TRPC3: variants seen among roughly 807,000 people sequenced by gnomAD.
TRPC3 encodes the protein transient receptor potential cation channel subfamily C member 3, also known as short transient receptor potential channel 3.
In TRPC3, 54 loss-of-function variants were observed where a neutral mutation model predicts 90.9. The observed-to-expected ratio is 0.59, with a 90% CI of 0.48 to 0.75. The LOEUF is 0.75. TRPC3 is among the 30% of genes least tolerant of loss of function. The pLI is 0.00. For synonymous variants in TRPC3, 424 were observed against 450.9 expected, an observed-to-expected ratio of 0.94 and a Z score of 0.75; for missense variants, 918 against 1,194.5, an observed-to-expected ratio of 0.77 and a Z score of 3.41.
At chr4:121,900,053 TC>T (rs1319896861) in intron 9 of TRPC3, among the ~76,000 whole-genome samples, 1 of 152,206 alleles carries the variant, frequency 6.6e-6, no homozygotes, top group Non-Finnish European at 1.5e-5. Context: ...TTTGATCTGT[TC>T]CTGAGCCTAA....
At chr4:121,910,604 A>T (rs1461597914) in intron 5 of TRPC3, among the ~76,000 whole-genome samples, 1 of 152,138 alleles carries the variant, frequency 6.6e-6, no homozygotes, top group Admixed American at 6.5e-5. Flanking sequence ...CCACCACACT[A>T]GAATTTGGAG....
At position 121,904,260 on chromosome 4, in the gene TRPC3, C is replaced by T. The variant is rs1291714582; in HGVS notation, c.2253+62G>A. The T allele has an allele frequency of 5.5e-6, 8 of 1,448,596 alleles. No homozygotes were observed. In the Admixed American group the frequency reaches 7.0e-5, roughly 13 times the overall value. 89.7% of individuals were successfully genotyped at this position (1,448,596 alleles called of 1,614,324 possible). ...GGAGCTCAGCCACAGGGTACAGAAG[C>T]AGATGTGTACTATCAGAATAGGATG... On this transcript the variant is annotated intron_variant, in intron 8 of 11. Transcript: ENST00000379645.
rs774191611 is a variant in TRPC3 at position 121,907,429 on chromosome 4, C to A, written c.1931G>T (p.Gly644Val). The change falls in exon 7 of 12, where the codon GGA (glycine) becomes GTA (valine). Residue 644 changes from glycine (G) to valine (V), a missense_variant. Transcript: ENST00000379645. ...CTTGAATATGTCCTTTACAGTCCTTCCAAGAGAGATCTGCAGGGGGCCAAA... is the reference window on the plus strand; with the variant it reads ...CTTGAATATGTCCTTTACAGTCCTTACAAGAGAGATCTGCAGGGGGCCAAA... ...ESFGPLQISL[G>V]RTVKDIFKFM... 6.2e-7 allele frequency: 1 copy of A among 1,613,272 alleles called. No homozygotes were observed. The highest frequency in any genetic ancestry group is 8.5e-7 in the Non-Finnish European group (1 of 1,179,566).
chr4:121,897,186 T>C (rs984038909), intron 10 of TRPC3, among the ~76,000 whole-genome samples: 1 of 151,198 alleles, frequency 6.6e-6, no homozygotes, highest in African/African-American at 2.4e-5. Flanking sequence ...ATGATAAAAC[T>C]AGTAGAAAAA....
At chr4:121,915,500 G>A (rs1303867325) in intron 3 of TRPC3, among the ~76,000 whole-genome samples, 1 of 152,210 alleles carries the variant, frequency 6.6e-6, no homozygotes, top group Non-Finnish European at 1.5e-5. Flanking sequence ...GAACTTGCAA[G>A]TATTATGCTG....
At chr4:121,938,282 T>A (rs1011443332) in intron 1 of TRPC3, among the ~76,000 whole-genome samples, 6 of 152,174 alleles carry the variant, frequency 3.9e-5, no homozygotes, top group Non-Finnish European at 8.8e-5. Flanking sequence ...CCAACTCACC[T>A]TCTTCCTTAA....
chr4:121,941,612 AAAG>A (rs1253483895), intron 1 of TRPC3, among the ~76,000 whole-genome samples: 2 of 150,854 alleles, frequency 1.3e-5, no homozygotes, highest in Non-Finnish European at 3.0e-5. Context: ...TCAGAGAAGA[AAAG>A]ACAAGAAAGT....
At chr4:121,933,540 C>A (rs181954069) in intron 1 of TRPC3, 2 of 152,540 alleles carry the variant, frequency 1.3e-5, no homozygotes, top group East Asian at 1.9e-4. Context: ...CAGCCCCCTA[C>A]AAAAGCACAG....
rs947275366 is a variant in TRPC3, at chr4:121,899,678, C to T, written c.2481G>A (p.Gln827=). 6.2e-7 allele frequency: 1 copy of T among 1,613,176 alleles called. No individual in the cohort carries two copies. Among genetic ancestry groups the T allele is most frequent in the Non-Finnish European group, 8.5e-7 (1 of 1,179,478 alleles). ...GTGATTCAAAAACTCTTGAGTTAGACTGAGTGAAGAGGTTTAACTAGGAAA... is the reference window on the plus strand; with the variant it reads ...GTGATTCAAAAACTCTTGAGTTAGATTGAGTGAAGAGGTTTAACTAGGAAA... ...NSKSRLNLFT[Q]SNSRVFESHS... is the part of the protein sequence containing the mutation. Residue 827 remains glutamine, a synonymous_variant, in exon 10 of 12, where the codon CAG becomes CAA. Transcript: ENST00000379645.
intron 3 of TRPC3, among the ~76,000 whole-genome samples, chr4:121,922,639 T>G (rs1348604848): frequency 7.4e-6 from 1 of 135,614 alleles, no homozygotes; most frequent in African/African-American, 2.7e-5. Flanking sequence ...GAGGTGTCTC[T>G]GCTCATATAA....
At chr4:121,888,021 G>A (rs1034726592) in intron 10 of TRPC3, among the ~76,000 whole-genome samples, 17 of 150,860 alleles carry the variant, frequency 1.1e-4, no homozygotes, top group African/African-American at 3.7e-4. Flanking sequence ...GAGAGAAAGC[G>A]TCTTGCTGTG....
intron 5 of TRPC3, 23 bp downstream of exon 5, chr4:121,911,854 G>A: frequency 6.4e-7 from 1 of 1,574,492 alleles, no homozygotes; most frequent in Non-Finnish European, 8.7e-7. Context: ...TAGAAATTAG[G>A]ATATTTAAAA....
chr4:121,921,310 C>T (rs1441644541), intron 3 of TRPC3, among the ~76,000 whole-genome samples: 1 of 151,744 alleles, frequency 6.6e-6, no homozygotes, highest in Non-Finnish European at 1.5e-5. Flanking sequence ...ATCACGAGGT[C>T]AGGAGATCGA....
In TRPC3 at chr4:121,948,543, GT is replaced by G. The variant is rs1730570541; in HGVS notation, c.215+2922del. On this transcript the variant is annotated intron_variant, in intron 1 of 11. Transcript: ENST00000379645. The stretch of plus-strand genomic sequence containing the variant: ...AATTACTGCTACTTTAAAATAATCA[GT>G]GGCTCCCTAGTGCCTCATCCTGGCA... Among the ~76,000 whole-genome samples, 4 of 152,088 alleles carry G rather than the reference GT, an allele frequency of 2.6e-5. No individual in the cohort carries two copies. In the South Asian group the frequency reaches 8.3e-4, roughly 32 times the overall value.
chr4:121,890,191 G>T (rs1196085123), intron 10 of TRPC3, among the ~76,000 whole-genome samples: 1 of 152,158 alleles, frequency 6.6e-6, no homozygotes, highest in Non-Finnish European at 1.5e-5. Flanking sequence ...GTAGGGAGAA[G>T]TTGGTCACCA....
At position 121,879,644 on chromosome 4, in the gene TRPC3, A is replaced by C. The variant is rs1428580923; in HGVS notation, c.*92T>G. The C allele has an allele frequency of 1.4e-6, 2 of 1,431,102 alleles. No individual in the cohort carries two copies. Among genetic ancestry groups the C allele is most frequent in the Non-Finnish European group, 1.9e-6 (2 of 1,059,930 alleles). The allele number at this position is 1,431,102 out of a possible 1,614,324, so 88.7% of individuals were successfully genotyped here. On this transcript the variant is annotated 3_prime_UTR_variant, in exon 12 of 12. Transcript: ENST00000379645. Reference sequence around the variant, plus strand: ...ACATGATAAAGGTAGTTAATACTAAAAATTTACATCATAGTTTTTCAAGTA... The same window carrying C: ...ACATGATAAAGGTAGTTAATACTAACAATTTACATCATAGTTTTTCAAGTA...
intron 4 of TRPC3, among the ~76,000 whole-genome samples, chr4:121,912,614 G>T (rs986455664): frequency 2.0e-5 from 3 of 152,032 alleles, no homozygotes; most frequent in Non-Finnish European, 4.4e-5. Context: ...AGTTATACCT[G>T]GTATGCTATA....
chr4:121,932,299 T>C lies in TRPC3; in HGVS notation c.959A>G (p.Lys320Arg). 6.2e-6 allele frequency: 10 copies of C among 1,614,154 alleles called. No individual in the cohort carries two copies. Among genetic ancestry groups the C allele is most frequent in the Non-Finnish European group, 8.5e-6 (10 of 1,180,022 alleles). Residue 320 changes from lysine (K) to arginine (R), a missense_variant, in exon 2 of 12, where the codon AAG becomes AGG. By Grantham distance (26) the Lys-to-Arg change is conservative. This residue lies in a region of TRPC3 where 609 missense variants were observed against 725.9 expected (regional missense o/e 0.84). Coordinates refer to ENST00000379645, the MANE Select transcript of TRPC3 (RefSeq NM_001130698.2). The surrounding 1 kb of genome is among the most constrained non-coding windows in gnomAD (Gnocchi z 7.7). Reference protein sequence around the residue: ...TALELSNELAKLANIEKEFKN... With the variant: ...TALELSNELARLANIEKEFKN... ...GAACTCCTTCTCTATGTTGGCCAGC[T>C]TGGCCAGCTCGTTGCTGAGCTCTAG... is the stretch of plus-strand genomic sequence containing the variant.
At chr4:121,899,500 T>C in intron 10 of TRPC3, 112 bp downstream of exon 10, 1 of 817,028 alleles carries the variant, frequency 1.2e-6, no homozygotes. Flanking sequence ...ATCCTCATGG[T>C]ATAATGGTAT....
Sources: allele counts gnomAD v4.1 joint callset (sites outside exome capture counted in the v4.1 genomes callset), GRCh38; gene constraint gnomAD v4.1.1; regional missense constraint gnomAD v4.1.1; non-coding constraint Gnocchi (gnomAD v3.1); transcripts MANE v1.5; gene names NCBI Gene and HGNC (gene_info 2026-07-23, HGNC 2026-07-21).